Variants in PBX1 observed in about 807,000 individuals in gnomAD.
PBX1 encodes the protein PBX homeobox 1, also known as pre-B-cell leukemia transcription factor 1.
A neutral mutation model predicts 53.4 loss-of-function variants in PBX1; 6 were observed. That is an observed-to-expected ratio of 0.11 (90% CI 0.06 to 0.22). The LOEUF (loss-of-function observed/expected upper bound fraction) is 0.22, where lower values mean the gene tolerates loss of function less well. PBX1 is among the 10% of genes least tolerant of loss of function. The pLI is 1.00. For missense variants in PBX1, 251 were observed against 551.4 expected (o/e 0.46, Z 5.46); for synonymous variants, 204 against 212.3 (o/e 0.96, Z 0.34).
At chr1:164,622,124 T>C (rs924360611) in intron 2 of PBX1, among the ~76,000 whole-genome samples, 3 of 152,202 alleles carry the variant, frequency 2.0e-5, no homozygotes, top group African/African-American at 4.8e-5. Context: ...TACTCTTCTT[T>C]CCGTGTGGGC....
intron 2 of PBX1, among the ~76,000 whole-genome samples, chr1:164,875,988 G>GTATATATATACA (rs1553256089): frequency 1.8e-5 from 1 of 56,938 alleles, no homozygotes; most frequent in Non-Finnish European, 4.5e-5. Flanking sequence ...TGGTGTATGT[G>GTATATATATACA]TATATATATA....
At chr1:164,789,795 T>C (rs955113123) in intron 2 of PBX1, among the ~76,000 whole-genome samples, 4 of 152,186 alleles carry the variant, frequency 2.6e-5, no homozygotes, top group Non-Finnish European at 5.9e-5. Flanking sequence ...CAGCCTCAGC[T>C]TCGTGGGGAA....
intron 2 of PBX1, among the ~76,000 whole-genome samples, chr1:164,867,973 G>A (rs978216867): frequency 4.6e-5 from 7 of 152,088 alleles, no homozygotes; most frequent in African/African-American, 7.2e-5. Context: ...CCTAATACCC[G>A]TCTAAATATC....
chr1:164,724,116 A>T (rs1664553185), intron 2 of PBX1, among the ~76,000 whole-genome samples: 1 of 152,206 alleles, frequency 6.6e-6, no homozygotes, highest in Admixed American at 6.5e-5. Context: ...CCCTGGCCCC[A>T]AAAGAATGTT....
chr1:164,792,764 C>A, intron 3 of PBX1, 26 bp downstream of exon 3: 1 of 1,526,526 alleles, frequency 6.6e-7, no homozygotes, highest in Non-Finnish European at 8.9e-7. Flanking sequence ...TGGGGCTCGG[C>A]ACCCAGGCCC....
At chr1:164,659,972 A>G (rs1238668259) in intron 2 of PBX1, among the ~76,000 whole-genome samples, 1 of 152,170 alleles carries the variant, frequency 6.6e-6, no homozygotes, top group Non-Finnish European at 1.5e-5. Flanking sequence ...GGCACTGCCT[A>G]TCTGTCCAAT....
rs973277464 is a variant in PBX1, at chr1:164,765,898, T to C, written c.266-26596T>C. Among the ~76,000 whole-genome samples, 3 of 152,354 alleles carry C rather than the reference T, an allele frequency of 2.0e-5. No homozygotes were observed. In the South Asian group the frequency reaches 6.2e-4, roughly 32 times the overall value. ...AATCATAGCTGGTGGCTTTATGCAC[T>C]ATCCTCACTGACTCTGCTAACCTTG... On this transcript the variant is annotated intron_variant, in intron 2 of 8. Transcript: ENST00000420696.
intron 2 of PBX1, among the ~76,000 whole-genome samples, chr1:164,722,382 A>G (rs971324599): frequency 6.6e-6 from 1 of 152,136 alleles, no homozygotes; most frequent in Non-Finnish European, 1.5e-5. Context: ...AATTCCATCG[A>G]TTTGAAATCC....
chr1:164,678,827 A>T (rs1416047444), intron 2 of PBX1, among the ~76,000 whole-genome samples: 1 of 152,044 alleles, frequency 6.6e-6, no homozygotes, highest in African/African-American at 2.4e-5. Flanking sequence ...TTTTATGAAC[A>T]ACTTTTTTTT....
At chr1:164,779,569 T>C (rs1429062502) in intron 2 of PBX1, among the ~76,000 whole-genome samples, 1 of 152,120 alleles carries the variant, frequency 6.6e-6, no homozygotes, top group Non-Finnish European at 1.5e-5. Context: ...AAAAGCAAAT[T>C]TGGCTTCTAA....
chr1:164,674,370 A>G (rs2101980147), intron 2 of PBX1: 1 of 152,342 alleles, frequency 6.6e-6, no homozygotes, highest in Admixed American at 6.5e-5. Context: ...GCTTTGGTAT[A>G]CACATGGTTT....
chr1:164,749,136 A>G (rs575678855), intron 2 of PBX1, among the ~76,000 whole-genome samples: 4 of 152,148 alleles, frequency 2.6e-5, no homozygotes, highest in Non-Finnish European at 4.4e-5. Context: ...AAACAAAGGG[A>G]AAAAAAAGCT....
chr1:164,629,971 C>T (rs745641654), intron 2 of PBX1, among the ~76,000 whole-genome samples: 2 of 151,894 alleles, frequency 1.3e-5, no homozygotes, highest in Non-Finnish European at 2.9e-5. Context: ...AAAGACAGTG[C>T]GAATGAGTAT....
chr1:164,856,635 C>T (rs1400800180), downstream of PBX1, among the ~76,000 whole-genome samples: 3 of 152,132 alleles, frequency 2.0e-5, no homozygotes, highest in African/African-American at 7.2e-5. Flanking sequence ...AGGAGCCCTC[C>T]CTTAGAGCCC....
At position 164,596,506 on chromosome 1, in the gene PBX1, G is replaced by T. The variant is rs116682557; in HGVS notation, c.265+33195G>T. ...TTTGGCAATATCTGGGGACATTACTGGTTTGTCATAATGCAAGTTCATTTT... is the reference window on the plus strand; with the variant it reads ...TTTGGCAATATCTGGGGACATTACTTGTTTGTCATAATGCAAGTTCATTTT... On this transcript the variant is annotated intron_variant, in intron 2 of 8. Transcript: ENST00000420696. 4.2e-3 allele frequency among the ~76,000 whole-genome samples: 637 copies of T among 152,286 alleles called. 2 individuals carry two copies. Among genetic ancestry groups the T allele is most frequent in the African/African-American group, 0.015 (614 of 41,556 alleles).
chr1:164,714,800 A>T (rs1045179506), intron 2 of PBX1, among the ~76,000 whole-genome samples: 5 of 152,180 alleles, frequency 3.3e-5, no homozygotes, highest in Non-Finnish European at 7.4e-5. Context: ...CATTTTGTAA[A>T]GGGTATTAGA....
chr1:164,621,156 T>G (rs1396158349), intron 2 of PBX1, among the ~76,000 whole-genome samples: 1 of 152,046 alleles, frequency 6.6e-6, no homozygotes, highest in African/African-American at 2.4e-5. Flanking sequence ...GCCCAGCTAA[T>G]TTTTGTATTT....
intron 2 of PBX1, among the ~76,000 whole-genome samples, chr1:164,881,131 C>A (rs1672635893): frequency 6.6e-6 from 1 of 152,160 alleles, no homozygotes; most frequent in Non-Finnish European, 1.5e-5. Context: ...CTTTTTCTCC[C>A]ACCATGAGCC....
At chr1:164,703,078 G>T (rs17384060) in intron 2 of PBX1, 22,473 of 152,104 alleles carry the variant, frequency 0.15, 2,219 homozygotes, top group Non-Finnish European at 0.22. Flanking sequence ...CTATTCACAG[G>T]CTCGATCCCA....
Sources: gnomAD v4.1 joint callset for allele counts (sites outside exome capture counted in the v4.1 genomes callset) on GRCh38, gnomAD v4.1.1 for gene constraint, MANE v1.5 for transcripts, NCBI Gene and HGNC (gene_info 2026-07-23, HGNC 2026-07-21) for gene names.